Variants in TBC1D32 observed in about 807,000 individuals in gnomAD.
The protein encoded by TBC1D32 is protein broad-minded.
A neutral mutation model predicts 170.3 loss-of-function variants in TBC1D32; 151 were observed. The ratio of observed to expected loss-of-function variants is 0.89; its 90% CI spans 0.78 to 1.01. TBC1D32 has a LOEUF of 1.01. Among genes scored for constraint, TBC1D32 ranks in the 50% least tolerant of loss-of-function variants. The pLI, the probability that TBC1D32 is intolerant of heterozygous loss-of-function variation, is 0.00. For synonymous variants in TBC1D32, 498 were observed against 488.0 expected, an observed-to-expected ratio of 1.02 and a Z score of -0.27; for missense variants, 1,464 against 1,457.1, an observed-to-expected ratio of 1.00 and a Z score of -0.08.
intron 22 of TBC1D32, among the ~76,000 whole-genome samples, chr6:121,162,648 C>T (rs949969628): frequency 2.0e-5 from 3 of 152,148 alleles, no homozygotes; most frequent in Non-Finnish European, 4.4e-5. Flanking sequence ...ATCTAGAAAA[C>T]CCCATCATCT....
chr6:121,323,211 T>C (rs1348147472), intron 1 of TBC1D32, among the ~76,000 whole-genome samples: 2 of 152,160 alleles, frequency 1.3e-5, no homozygotes, highest in Admixed American at 1.3e-4. Context: ...ATCCCTGACT[T>C]TCATTACTGC....
rs768299017 is a variant in TBC1D32 at position 121,112,655 on chromosome 6, G to A, written c.3174C>T (p.Cys1058=). Residue 1058 remains cysteine (C), a synonymous_variant, in exon 29 of 32, where the codon TGC becomes TGT. Coordinates refer to ENST00000398212, the MANE Select transcript of TBC1D32 (RefSeq NM_152730.6). ...QQTSIKSSLL[C]LQGNYAGHDW... ...CATGGCCAGCATAATTCCCTTGCAG[G>A]CAGACTGAAAAACACAGTTAAGAAA... is the stretch of plus-strand genomic sequence containing the variant. The A allele has an allele frequency of 6.4e-7, 1 of 1,562,762 alleles. No individual in the cohort carries two copies. Among genetic ancestry groups the A allele is most frequent in the Non-Finnish European group, 8.6e-7 (1 of 1,158,068 alleles).
chr6:121,137,337 T>G (rs538661210), intron 24 of TBC1D32, among the ~76,000 whole-genome samples: 30 of 152,126 alleles, frequency 2.0e-4, no homozygotes, highest in African/African-American at 7.0e-4. Context: ...TATGATGAAG[T>G]CACCATGGAA....
intron 22 of TBC1D32, among the ~76,000 whole-genome samples, chr6:121,184,667 T>C (rs1311578165): frequency 1.3e-5 from 2 of 151,954 alleles, no homozygotes; most frequent in East Asian, 3.9e-4. Flanking sequence ...ATGCTGGTCA[T>C]GGTTTCAATG....
At chr6:121,318,390 C>T (rs1361109502) in intron 2 of TBC1D32, among the ~76,000 whole-genome samples, 1 of 152,024 alleles carries the variant, frequency 6.6e-6, no homozygotes, top group African/African-American at 2.4e-5. Flanking sequence ...GAATATGAGA[C>T]TGAAATCCTC....
rs527852945 is a variant in TBC1D32 at position 121,180,105 on chromosome 6, CAG to C, written c.2571-19051_2571-19050del. 9.9e-4 allele frequency among the ~76,000 whole-genome samples: 150 copies of C among 152,190 alleles called. 1 individual carries two copies. Among genetic ancestry groups the C allele is most frequent in the African/African-American group, 3.4e-3 (141 of 41,530 alleles). On this transcript the variant is annotated intron_variant, in intron 22 of 31. Transcript: ENST00000398212. ...GGTAATTAAAGAATACCTAATTAAA[CAG>C]AGATATATGTCATGTTTATAGATTG... is the stretch of plus-strand genomic sequence containing the variant.
chr6:121,157,788 C>T (rs1235847484), intron 24 of TBC1D32, among the ~76,000 whole-genome samples: 1 of 151,946 alleles, frequency 6.6e-6, no homozygotes, highest in Non-Finnish European at 1.5e-5. Flanking sequence ...ATATTAAATT[C>T]TTGGTTGAAA....
chr6:121,197,159 A>C (rs1166054771), intron 22 of TBC1D32, among the ~76,000 whole-genome samples: 1 of 152,278 alleles, frequency 6.6e-6, no homozygotes, highest in Middle Eastern at 3.4e-3. Context: ...TCAGTCTACT[A>C]CTCCATAATG....
chr6:121,147,342 G>C (rs1472454613), intron 24 of TBC1D32, among the ~76,000 whole-genome samples: 1 of 152,164 alleles, frequency 6.6e-6, no homozygotes, highest in Non-Finnish European at 1.5e-5. Flanking sequence ...TCAGTAGTGG[G>C]ATTGCTAGGT....
At chr6:121,323,698 T>C (rs185665199) in intron 1 of TBC1D32, among the ~76,000 whole-genome samples, 157 of 152,316 alleles carry the variant, frequency 1.0e-3, no homozygotes, top group African/African-American at 3.2e-3. Context: ...TCCCAGCACT[T>C]TGGGAGGCCA....
rs776968575 is a variant in TBC1D32 at position 121,106,076 on chromosome 6, C to T, written c.3412G>A (p.Glu1138Lys). ...AAAGCTGAAAACACAAGAGGCAACT[C>T]AGCCTTCAGTAGCATTTCAATATAA... is the stretch of plus-strand genomic sequence containing the variant. ...THYIEMLLKA[E>K]LPLVFSAFHM... Residue 1138 changes from glutamate to lysine, a missense_variant, in exon 30 of 32, where the codon GAG becomes AAG. By Grantham distance (56) the Glu-to-Lys change is moderately conservative (BLOSUM62 1). Around this residue, in one of 3 missense-constraint regions of TBC1D32, gnomAD observed 1,363 missense variants for 1,338.1 expected, o/e 1.02. Transcript: ENST00000398212. The T allele has an allele frequency of 2.5e-6, 4 of 1,609,614 alleles. No individual in the cohort carries two copies. Among genetic ancestry groups the T allele is most frequent in the Non-Finnish European group, 3.4e-6 (4 of 1,176,992 alleles).
chr6:121,202,256 C>A, intron 22 of TBC1D32, among the ~76,000 whole-genome samples: 2 of 122,752 alleles, frequency 1.6e-5, no homozygotes, highest in African/African-American at 6.2e-5. Flanking sequence ...AGTATTCCAA[C>A]ATTCAGAGGT....
intron 30 of TBC1D32, among the ~76,000 whole-genome samples, chr6:121,103,699 G>A (rs1037052304): frequency 8.6e-5 from 13 of 151,936 alleles, no homozygotes; most frequent in South Asian, 6.2e-4. Flanking sequence ...AAACCTGCAC[G>A]TTGTGCACAT....
At chr6:121,244,110 C>G (rs1797318762) in intron 17 of TBC1D32, among the ~76,000 whole-genome samples, 1 of 151,696 alleles carries the variant, frequency 6.6e-6, no homozygotes, top group African/African-American at 2.4e-5. Context: ...ACAAAAAATA[C>G]TAAGAATCCA....
chr6:121,096,452 A>G (rs1295462662), intron 30 of TBC1D32, among the ~76,000 whole-genome samples: 6 of 152,082 alleles, frequency 3.9e-5, no homozygotes, highest in African/African-American at 1.4e-4. Context: ...CACAATTGCT[A>G]CAAAGAAAAT....
At chr6:121,088,356 T>G (rs1329673151) in intron 31 of TBC1D32, among the ~76,000 whole-genome samples, 1 of 152,170 alleles carries the variant, frequency 6.6e-6, no homozygotes, top group African/African-American at 2.4e-5. Context: ...TCTCTATAGC[T>G]TCAGTTGAAT....
chr6:121,179,119 G>A (rs1004301289), intron 22 of TBC1D32, among the ~76,000 whole-genome samples: 3 of 152,040 alleles, frequency 2.0e-5, no homozygotes, highest in African/African-American at 7.2e-5. Flanking sequence ...TTAAAAGTAT[G>A]ATAATGCTAT....
At chr6:121,127,147 A>G (rs886466421) in intron 25 of TBC1D32, among the ~76,000 whole-genome samples, 1 of 152,182 alleles carries the variant, frequency 6.6e-6, no homozygotes, top group African/African-American at 2.4e-5. Flanking sequence ...GCTTTAAATA[A>G]CAAGTACACT....
intron 22 of TBC1D32, among the ~76,000 whole-genome samples, chr6:121,183,184 C>G (rs1788758452): frequency 6.6e-6 from 1 of 151,964 alleles, no homozygotes; most frequent in South Asian, 2.1e-4. Context: ...TTACTTTTAT[C>G]AAGATTTAGA....
Sources: allele counts gnomAD v4.1 joint callset (sites outside exome capture counted in the v4.1 genomes callset), GRCh38; gene constraint gnomAD v4.1.1; regional missense constraint gnomAD v4.1.1; transcripts MANE v1.5; gene names NCBI Gene and HGNC (gene_info 2026-07-23, HGNC 2026-07-21).